MINDY4: variants seen among roughly 807,000 people sequenced by gnomAD.
MINDY4 encodes the protein MINDY lysine 48 deubiquitinase 4, also known as probable ubiquitin carboxyl-terminal hydrolase MINDY-4.
MINDY4 carries 68 observed loss-of-function variants against 87.0 expected under a neutral mutation model. The ratio of observed to expected loss-of-function variants is 0.78; its 90% CI spans 0.64 to 0.96. The LOEUF is 0.96. Ranked by LOEUF, MINDY4 falls within the 40% of genes least tolerant of loss-of-function variation. MINDY4 has a pLI of 0.00. For synonymous variants in MINDY4, 379 were observed against 363.2 expected (o/e 1.04, Z -0.50); for missense variants, 919 against 928.2 (o/e 0.99, Z 0.13).
chr7:30,780,455 A>G (rs1413085070), intron 2 of MINDY4: 1 of 152,172 alleles, frequency 6.6e-6, no homozygotes, highest in Non-Finnish European at 1.5e-5. Context: ...TTATCTTAAG[A>G]TACTTAAGAT....
intron 15 of MINDY4, among the ~76,000 whole-genome samples, chr7:30,876,503 G>A (rs1790263219): frequency 6.6e-6 from 1 of 152,166 alleles, no homozygotes. Context: ...TCTGCATCCT[G>A]TGTCACTGCA....
chr7:30,798,585 C>T (rs1048085521), intron 5 of MINDY4, among the ~76,000 whole-genome samples: 1 of 152,154 alleles, frequency 6.6e-6, no homozygotes, highest in African/African-American at 2.4e-5. Flanking sequence ...CAAGCTCCGC[C>T]TCCCGGGTTC....
chr7:30,804,580 A>C (rs770575003), intron 5 of MINDY4, among the ~76,000 whole-genome samples: 2 of 152,214 alleles, frequency 1.3e-5, no homozygotes, highest in Non-Finnish European at 2.9e-5. Flanking sequence ...GCAGAGTTCC[A>C]CAGAGATAGA....
rs563968758 is a variant in MINDY4 at position 30,844,128 on chromosome 7, C to T, written c.1445+3280C>T. 1.3e-4 allele frequency among the ~76,000 whole-genome samples: 20 copies of T among 152,318 alleles called. No homozygotes were observed. In the East Asian group the frequency reaches 2.9e-3, roughly 22 times the overall value. ...GGTGCTGCTTGTAGCCCACCCCTAC[C>T]GGCTGCTGCCCCATCACAGAGGTGC... On this transcript the variant is annotated intron_variant, in intron 9 of 17. Coordinates refer to ENST00000265299, the MANE Select transcript of MINDY4 (RefSeq NM_032222.3).
chr7:30,853,771 A>G (rs1014825184), intron 12 of MINDY4, among the ~76,000 whole-genome samples: 16 of 152,172 alleles, frequency 1.1e-4, no homozygotes, highest in African/African-American at 3.4e-4. Context: ...TGTTAGATGG[A>G]GGTCACCAGA....
intron 4 of MINDY4, among the ~76,000 whole-genome samples, chr7:30,790,423 A>T (rs1418093935): frequency 6.6e-6 from 1 of 151,456 alleles, no homozygotes; most frequent in African/African-American, 2.4e-5. Context: ...ATTTTAAAAA[A>T]CCTTTCATTT....
At chr7:30,853,882 G>A (rs986027359) in intron 12 of MINDY4, among the ~76,000 whole-genome samples, 1 of 152,198 alleles carries the variant, frequency 6.6e-6, no homozygotes, top group Non-Finnish European at 1.5e-5. Context: ...ACCAGAAAGC[G>A]GCTTCTTGGG....
intron 4 of MINDY4, chr7:30,786,219 T>C (rs1435633561): frequency 3.6e-6 from 2 of 556,146 alleles, no homozygotes; most frequent in African/African-American, 3.8e-5. Flanking sequence ...CCATTTTGTT[T>C]GTGAGGTGGA....
At chr7:30,774,096 T>C (rs1786729986) in intron 1 of MINDY4, among the ~76,000 whole-genome samples, 1 of 152,240 alleles carries the variant, frequency 6.6e-6, no homozygotes, top group South Asian at 2.1e-4. Context: ...TGTGGTGCCT[T>C]ATGGGTGCCT....
Position 30,838,666 on chromosome 7 carries a change from C to G in MINDY4, c.1240-534C>G, listed in dbSNP as rs367622721. Among the ~76,000 whole-genome samples the G allele has an allele frequency of 3.0e-4, 46 of 152,138 alleles. No individual in the cohort carries two copies. The East Asian group carries it at 4.0e-3, about 13-fold the overall frequency. ...TGTGGGTCACAGTTTAGTAACCCTG[C>G]ACTAGAGCACTGGCTCTCAAACCCG... On this transcript the variant is annotated intron_variant, in intron 7 of 17. Transcript: ENST00000265299.
intron 5 of MINDY4, among the ~76,000 whole-genome samples, chr7:30,810,885 G>T (rs1207515406): frequency 6.6e-6 from 1 of 151,912 alleles, no homozygotes; most frequent in African/African-American, 2.4e-5. Flanking sequence ...CAGTAAGAAG[G>T]CACCAAAGAC....
At chr7:30,819,892 A>ATTTT (rs60124746) in intron 5 of MINDY4, among the ~76,000 whole-genome samples, 18 of 96,662 alleles carry the variant, frequency 1.9e-4, no homozygotes, top group African/African-American at 3.1e-4. Flanking sequence ...CATATAGATA[A>ATTTT]TTTTTTTTTT....
At chr7:30,878,898 C>G (rs1164422144) in intron 15 of MINDY4, among the ~76,000 whole-genome samples, 1 of 152,242 alleles carries the variant, frequency 6.6e-6, no homozygotes. Flanking sequence ...CATCCACTTT[C>G]ACCAGGTCAG....
At position 30,877,822 on chromosome 7, in the gene MINDY4, CTTTTTTTTTTTTTTTTTTTTTTT is replaced by C. The variant is rs60164229; in HGVS notation, c.1971+2180_1971+2202del. 3.2e-4 allele frequency among the ~76,000 whole-genome samples: 15 copies of C among 47,542 alleles called. 1 individual carries two copies. The highest frequency in any genetic ancestry group is 6.2e-4 in the East Asian group (1 of 1,624). The allele number at this position is 47,542 out of a possible 152,430, so 31.2% of individuals were successfully genotyped here. Reference sequence around the variant, plus strand: ...GAGTAGCTGGGATTACAGGGACATGCTTTTTTTTTTTTTTTTTTTTTTTTTTTTTTTTTTTTAAGTAGAGATGG... The same window carrying C: ...GAGTAGCTGGGATTACAGGGACATGCTTTTTTTTTTTTTAAGTAGAGATGG... On this transcript the variant is annotated intron_variant, in intron 15 of 17. Coordinates refer to ENST00000265299, the MANE Select transcript of MINDY4 (RefSeq NM_032222.3).
intron 17 of MINDY4, among the ~76,000 whole-genome samples, chr7:30,883,842 G>T (rs143126494): frequency 3.3e-5 from 5 of 152,040 alleles, no homozygotes; most frequent in Non-Finnish European, 5.9e-5. Flanking sequence ...GAGAGAAGTC[G>T]CCTGGGTTCC....
chr7:30,891,361 C>T lies in MINDY4; in HGVS notation c.2226-596C>T, dbSNP rs141015205. Among the ~76,000 whole-genome samples the T allele has an allele frequency of 4.6e-4, 70 of 152,308 alleles. 1 individual carries two copies. The Middle Eastern group carries it at 0.01, about 22-fold the overall frequency. ...CAACTGAACTGTTATTCAGTTGTCTCTAACCCTGGACCACAATTTAGTTAT... is the reference window on the plus strand; with the variant it reads ...CAACTGAACTGTTATTCAGTTGTCTTTAACCCTGGACCACAATTTAGTTAT... On this transcript the variant is annotated intron_variant, in intron 17 of 17. Transcript: ENST00000265299.
At chr7:30,810,840 A>C (rs1161039720) in intron 5 of MINDY4, among the ~76,000 whole-genome samples, 1 of 152,200 alleles carries the variant, frequency 6.6e-6, no homozygotes, top group Non-Finnish European at 1.5e-5. Context: ...CTTTGGTCTA[A>C]AAACTAATAA....
At chr7:30,771,843 G>A (rs1223276912) in intron 1 of MINDY4, among the ~76,000 whole-genome samples, 1 of 152,208 alleles carries the variant, frequency 6.6e-6, no homozygotes, top group Non-Finnish European at 1.5e-5. Flanking sequence ...TGGGGAGGGG[G>A]CCTGGGGGCC....
chr7:30,866,565 G>A (rs1426721321), intron 13 of MINDY4, among the ~76,000 whole-genome samples: 2 of 152,228 alleles, frequency 1.3e-5, no homozygotes, highest in Admixed American at 1.3e-4. Context: ...TGTGTGAAAA[G>A]CAGTTGGTGG....
Sources: allele counts gnomAD v4.1 joint callset (sites outside exome capture counted in the v4.1 genomes callset), GRCh38; gene constraint gnomAD v4.1.1; transcripts MANE v1.5; gene names NCBI Gene and HGNC (gene_info 2026-07-23, HGNC 2026-07-21).